Variants in KLHL1 observed in about 807,000 individuals in gnomAD.
The protein encoded by KLHL1 is kelch-like protein 1.
In KLHL1, 47 loss-of-function variants were observed where a neutral mutation model predicts 77.7. The observed-to-expected ratio is 0.60, with a 90% CI of 0.48 to 0.77. The LOEUF is 0.77. Ranked by LOEUF, KLHL1 falls within the 30% of genes least tolerant of loss-of-function variation. The pLI is 0.00. For synonymous variants in KLHL1, 360 were observed against 325.2 expected (o/e 1.11, Z -1.15); for missense variants, 925 against 910.8 (o/e 1.02, Z -0.20).
At chr13:69,814,580 A>G (rs9572297) in intron 6 of KLHL1, among the ~76,000 whole-genome samples, 8,083 of 152,258 alleles carry the variant, frequency 0.053, 400 homozygotes, top group East Asian at 0.28. Context: ...GGCAAAGGAC[A>G]TGAACAGATA....
chr13:69,785,058 T>A (rs1876448625), intron 7 of KLHL1, among the ~76,000 whole-genome samples: 2 of 150,700 alleles, frequency 1.3e-5, no homozygotes, highest in African/African-American at 4.9e-5. Flanking sequence ...CCCGGCTAAT[T>A]TTTTTTTGTA....
chr13:69,985,485 A>T (rs73514715), intron 1 of KLHL1, among the ~76,000 whole-genome samples: 23,486 of 151,602 alleles, frequency 0.15, 3,858 homozygotes, highest in African/African-American at 0.42. Flanking sequence ...AAAAGAAAAA[A>T]ATATATAAAA....
chr13:70,069,907 G>A (rs1887100235), intron 1 of KLHL1, among the ~76,000 whole-genome samples: 1 of 152,026 alleles, frequency 6.6e-6, no homozygotes, highest in East Asian at 1.9e-4. Context: ...GGTGGCTCAT[G>A]CCTGTAATGC....
In KLHL1 at chr13:69,774,319, C is replaced by T. The variant is rs1264529697; in HGVS notation, c.1639+22419G>A. On this transcript the variant is annotated intron_variant, in intron 7 of 10. Transcript: ENST00000377844. Reference sequence around the variant, plus strand: ...GTACAAATATATAGTTGCAAAACTACATGCACGGATATAAAGTATTGTGAT... The same window carrying T: ...GTACAAATATATAGTTGCAAAACTATATGCACGGATATAAAGTATTGTGAT... Among the ~76,000 whole-genome samples, 5 of 151,900 alleles carry T rather than the reference C, an allele frequency of 3.3e-5. No individual in the cohort carries two copies. In the East Asian group the frequency reaches 9.6e-4, roughly 29 times the overall value.
chr13:69,906,994 A>G, intron 4 of KLHL1, among the ~76,000 whole-genome samples: 1 of 152,136 alleles, frequency 6.6e-6, no homozygotes, highest in South Asian at 2.1e-4. Flanking sequence ...ACTTATTTTC[A>G]CATTAATAAT....
intron 7 of KLHL1, among the ~76,000 whole-genome samples, chr13:69,781,574 C>T (rs1260231647): frequency 2.6e-5 from 4 of 152,066 alleles, no homozygotes; most frequent in African/African-American, 9.7e-5. Context: ...TGTTTCATTG[C>T]TGCTCATTCA....
At chr13:70,004,933 C>A (rs1262741030) in intron 1 of KLHL1, among the ~76,000 whole-genome samples, 1 of 151,196 alleles carries the variant, frequency 6.6e-6, no homozygotes, top group African/African-American at 2.4e-5. Context: ...ATGTTTATAT[C>A]TATTACCTAT....
chr13:69,899,719 G>T (rs903714639), intron 4 of KLHL1, among the ~76,000 whole-genome samples: 1 of 152,082 alleles, frequency 6.6e-6, no homozygotes, highest in Non-Finnish European at 1.5e-5. Context: ...AGGAACAATA[G>T]AGAAAGATCA....
intron 6 of KLHL1, 53 bp from the exon 7 acceptor site, chr13:69,797,015 G>T: frequency 7.0e-7 from 1 of 1,420,084 alleles, no homozygotes; most frequent in Non-Finnish European, 9.9e-7. Flanking sequence ...TCAACAAACA[G>T]CCTGCCAAAG....
intron 1 of KLHL1, among the ~76,000 whole-genome samples, chr13:70,048,763 G>C (rs1269050237): frequency 2.0e-5 from 3 of 152,206 alleles, no homozygotes; most frequent in Non-Finnish European, 2.9e-5. Flanking sequence ...TGTAAATACA[G>C]ATGAAGCTTT....
chr13:69,819,986 C>T (rs1878269873), intron 6 of KLHL1, among the ~76,000 whole-genome samples: 1 of 152,152 alleles, frequency 6.6e-6, no homozygotes, highest in Non-Finnish European at 1.5e-5. Context: ...GGAAAGTTCA[C>T]TTGGCATTGT....
chr13:69,907,038 T>A (rs1882067764), intron 4 of KLHL1, among the ~76,000 whole-genome samples: 1 of 151,988 alleles, frequency 6.6e-6, no homozygotes, highest in Admixed American at 6.6e-5. Context: ...CCTTTAAATC[T>A]TAGAAGTATA....
intron 1 of KLHL1, among the ~76,000 whole-genome samples, chr13:69,999,322 C>T (rs762250451): frequency 7.2e-4 from 109 of 151,786 alleles, no homozygotes; most frequent in Non-Finnish European, 1.4e-3. Context: ...TCGGTGGTCA[C>T]CTAAGTCTAT....
At chr13:69,929,519 T>C (rs1328290839) in intron 4 of KLHL1, among the ~76,000 whole-genome samples, 2 of 151,888 alleles carry the variant, frequency 1.3e-5, no homozygotes, top group African/African-American at 2.4e-5. Context: ...GTTTAGTCTA[T>C]GTGTACCTAG....
chr13:69,822,197 C>CAAAAAAAAAAAAAA (rs35346749), intron 6 of KLHL1, among the ~76,000 whole-genome samples: 1 of 78,398 alleles, frequency 1.3e-5, no homozygotes, highest in African/African-American at 4.6e-5. Flanking sequence ...GACTCCATCT[C>CAAAAAAAAAAAAAA]AAAAAAAAAA....
At chr13:69,780,747 T>TATATATATATACAC (rs1566244166) in intron 7 of KLHL1, among the ~76,000 whole-genome samples, 35 of 95,664 alleles carry the variant, frequency 3.7e-4, no homozygotes, top group African/African-American at 1.5e-3. Flanking sequence ...TATATATACA[T>TATATATATATACAC]ATATATATAT....
At chr13:69,717,107 A>T (rs1444582113) in intron 9 of KLHL1, among the ~76,000 whole-genome samples, 1 of 152,156 alleles carries the variant, frequency 6.6e-6, no homozygotes, top group Admixed American at 6.6e-5. Flanking sequence ...TTTGATAAAC[A>T]TTATATAACT....
At chr13:70,027,042 A>C (rs1715211660) in intron 1 of KLHL1, among the ~76,000 whole-genome samples, 1 of 152,130 alleles carries the variant, frequency 6.6e-6, no homozygotes, top group Admixed American at 6.6e-5. Context: ...AATGGGAAAC[A>C]ACAAATTTTG....
intron 4 of KLHL1, among the ~76,000 whole-genome samples, chr13:69,913,191 A>C (rs541674250): frequency 6.6e-6 from 1 of 151,830 alleles, no homozygotes; most frequent in African/African-American, 2.4e-5. Context: ...CACTCCCCCT[A>C]TGCTCCCCCT....
Sources: allele counts gnomAD v4.1 joint callset (sites outside exome capture counted in the v4.1 genomes callset), GRCh38; gene constraint gnomAD v4.1.1; transcripts MANE v1.5; gene names NCBI Gene and HGNC (gene_info 2026-07-23, HGNC 2026-07-21).